ANKRD6: variants seen among roughly 807,000 people sequenced by gnomAD.
The protein encoded by ANKRD6 is ankyrin repeat domain-containing protein 6.
In ANKRD6, 56 loss-of-function variants were observed where a neutral mutation model predicts 82.3. The observed-to-expected ratio is 0.68, with a 90% CI of 0.55 to 0.85. The LOEUF is 0.85. Ranked by LOEUF, ANKRD6 falls within the 40% of genes least tolerant of loss-of-function variation. ANKRD6 has a pLI of 0.00. For missense variants in ANKRD6, 852 were observed against 907.6 expected (o/e 0.94, Z 0.79); for synonymous variants, 347 against 352.1 (o/e 0.99, Z 0.16).
intron 1 of ANKRD6, among the ~76,000 whole-genome samples, chr6:89,485,901 T>C (rs1777310007): frequency 6.6e-6 from 1 of 152,236 alleles, no homozygotes; most frequent in Non-Finnish European, 1.5e-5. Flanking sequence ...TTTGTGCATA[T>C]ATACAACTCT....
chr6:89,604,480 C>G (rs117143925), intron 4 of ANKRD6, among the ~76,000 whole-genome samples: 2 of 138,116 alleles, frequency 1.4e-5, no homozygotes, highest in Admixed American at 1.4e-4. Flanking sequence ...TTTTTTTTTT[C>G]TTTAAAGAGG....
chr6:89,602,544 G>A (rs1024750145), intron 3 of ANKRD6: 1 of 163,602 alleles, frequency 6.1e-6, no homozygotes, highest in African/African-American at 2.4e-5. Flanking sequence ...ACTAGTACAG[G>A]TCAATGAACA....
chr6:89,530,337 A>C (rs1310736233), intron 1 of ANKRD6, among the ~76,000 whole-genome samples: 2 of 152,114 alleles, frequency 1.3e-5, no homozygotes, highest in Admixed American at 1.3e-4. Flanking sequence ...CGTTGGAAAA[A>C]ATGGTGCTGA....
chr6:89,630,147 C>T (rs560338150), intron 15 of ANKRD6, among the ~76,000 whole-genome samples: 9 of 152,262 alleles, frequency 5.9e-5, no homozygotes, highest in East Asian at 3.9e-4. Context: ...TAGATTGAGG[C>T]GGGCTGAAGG....
chr6:89,594,948 C>T (rs974421085), intron 2 of ANKRD6, among the ~76,000 whole-genome samples: 7 of 151,988 alleles, frequency 4.6e-5, no homozygotes, highest in South Asian at 2.1e-4. Context: ...GATAGGGTCT[C>T]GCTGTGTTGC....
At chr6:89,622,094 CTTCGGCCAGG>C (rs1387765932) in intron 10 of ANKRD6, 68 bp downstream of exon 10, 1 of 1,473,360 alleles carries the variant, frequency 6.8e-7, no homozygotes, top group Non-Finnish European at 9.3e-7. Flanking sequence ...TATCTCCCTG[CTTCGGCCAGG>C]TTCACCTGGT....
chr6:89,439,371 G>A (rs951498327), intron 1 of ANKRD6, among the ~76,000 whole-genome samples: 2 of 152,138 alleles, frequency 1.3e-5, no homozygotes, highest in African/African-American at 2.4e-5. Flanking sequence ...CATGGAATGT[G>A]TTACATAATC....
intron 1 of ANKRD6, among the ~76,000 whole-genome samples, chr6:89,530,991 G>A (rs545379314): frequency 7.2e-5 from 11 of 152,304 alleles, no homozygotes; most frequent in South Asian, 2.1e-4. Flanking sequence ...TGACACATAC[G>A]CATAAAGTGT....
chr6:89,475,898 T>C (rs1245791797), intron 1 of ANKRD6, among the ~76,000 whole-genome samples: 1 of 152,202 alleles, frequency 6.6e-6, no homozygotes, highest in Non-Finnish European at 1.5e-5. Flanking sequence ...GTGGGAAGCC[T>C]GACAAACCTC....
chr6:89,481,726 GTGCTGGTGGTACTGCTGCTGC>G (rs1285191515), intron 1 of ANKRD6, among the ~76,000 whole-genome samples: 11 of 152,144 alleles, frequency 7.2e-5, no homozygotes, highest in Non-Finnish European at 4.4e-5. Flanking sequence ...ACGGCTGGCA[GTGCTGGTGGTACTGCTGCTGC>G]TGCTGGTGGT....
chr6:89,633,322 G>A lies in ANKRD6; in HGVS notation c.*2318G>A, dbSNP rs557514213. On this transcript the variant is annotated 3_prime_UTR_variant, in exon 16 of 16. Coordinates refer to ENST00000339746, the MANE Select transcript of ANKRD6 (RefSeq NM_001242809.2). ...TACCTTTTCATCTTCAGCAAATGTT[G>A]TTTCATCTGTTTTTGATCCTTGGCA... The A allele has an allele frequency of 2.6e-5, 4 of 152,326 alleles. No individual in the cohort carries two copies. Among genetic ancestry groups the A allele is most frequent in the African/African-American group, 9.6e-5 (4 of 41,576 alleles). 9.4% of individuals were successfully genotyped at this position (152,326 alleles called of 1,614,324 possible).
intron 6 of ANKRD6, 111 bp from the exon 7 acceptor site, chr6:89,613,681 C>T: frequency 1.0e-6 from 1 of 973,228 alleles, no homozygotes; most frequent in South Asian, 1.6e-5. Flanking sequence ...TTATGATTCC[C>T]TAAAGAGTAC....
chr6:89,539,828 A>G (rs1583169875), intron 1 of ANKRD6, among the ~76,000 whole-genome samples: 2 of 141,236 alleles, frequency 1.4e-5, no homozygotes, highest in Non-Finnish European at 3.0e-5. Flanking sequence ...CCATCCTTCT[A>G]CTCTCTATGT....
At chr6:89,602,916 C>A in intron 3 of ANKRD6, 113 bp from the exon 4 acceptor site, 1 of 862,850 alleles carries the variant, frequency 1.2e-6, no homozygotes, top group Non-Finnish European at 1.8e-6. Context: ...CGAATAACCG[C>A]TCTGCTCTGT....
intron 1 of ANKRD6, chr6:89,560,908 G>A (rs1438427867): frequency 6.6e-6 from 1 of 152,242 alleles, no homozygotes; most frequent in Admixed American, 6.5e-5. Flanking sequence ...GACAGCAGAA[G>A]GCTTAGCAGA....
intron 5 of ANKRD6, among the ~76,000 whole-genome samples, chr6:89,606,414 G>A (rs1238456529): frequency 6.6e-6 from 1 of 152,118 alleles, no homozygotes; most frequent in Non-Finnish European, 1.5e-5. Context: ...TGGCAATGGA[G>A]TTGGCATTAA....
intron 1 of ANKRD6, among the ~76,000 whole-genome samples, chr6:89,545,961 C>T (rs555074663): frequency 5.3e-5 from 8 of 152,094 alleles, no homozygotes; most frequent in Admixed American, 1.3e-4. Context: ...CCCACCACCA[C>T]GCCTGGTAAT....
At chr6:89,553,098 T>G (rs1786069215) in intron 1 of ANKRD6, among the ~76,000 whole-genome samples, 1 of 151,982 alleles carries the variant, frequency 6.6e-6, no homozygotes, top group South Asian at 2.1e-4. Context: ...GTCATGTGGG[T>G]TAGGGAGAGT....
intron 2 of ANKRD6, among the ~76,000 whole-genome samples, chr6:89,589,440 C>T (rs1431369186): frequency 4.6e-5 from 7 of 152,332 alleles, no homozygotes; most frequent in Non-Finnish European, 7.3e-5. Flanking sequence ...ACCAGTCTGA[C>T]ACCTGCTGGG....
Sources: allele counts gnomAD v4.1 joint callset (sites outside exome capture counted in the v4.1 genomes callset), GRCh38; gene constraint gnomAD v4.1.1; transcripts MANE v1.5; gene names NCBI Gene and HGNC (gene_info 2026-07-23, HGNC 2026-07-21).